The following FAM178B variants were observed in gnomAD, a reference collection of about 807,000 sequenced individuals.
FAM178B encodes the protein family with sequence similarity 178 member B.
Under a neutral mutation model 91.7 loss-of-function variants are expected in FAM178B, and 82 were observed. The ratio of observed to expected loss-of-function variants is 0.89; its 90% CI spans 0.75 to 1.07. FAM178B has a LOEUF of 1.07. Among genes scored for constraint, FAM178B ranks in the 50% least tolerant of loss-of-function variants. The pLI, the probability that FAM178B is intolerant of heterozygous loss-of-function variation, is 0.00. For synonymous variants in FAM178B, 368 were observed against 359.4 expected (o/e 1.02, Z -0.27); for missense variants, 769 against 846.7 (o/e 0.91, Z 1.14).
Position 96,971,963 on chromosome 2 carries a change from C to A in FAM178B, c.502G>T (p.Ala168Ser). Residue 168 changes from alanine (A) to serine (S), a missense_variant, in exon 3 of 17, where the codon GCC becomes TCC. Ala to Ser is a moderately conservative substitution (Grantham distance 99, BLOSUM62 1). Coordinates refer to ENST00000490605, the MANE Select transcript of FAM178B (RefSeq NM_001122646.3). ...HLDLDPKRGLALPEKLFWNTS... is the reference protein window; with the variant it reads ...HLDLDPKRGLSLPEKLFWNTS... ...TTCCAGAACAGCTTCTCTGGCAAGG[C>A]CAGGCCCCTCTTCGGGTCCAAGTCC... is the stretch of plus-strand genomic sequence containing the variant. The A allele has an allele frequency of 6.4e-7, 1 of 1,557,748 alleles. No individual in the cohort carries two copies. The highest frequency in any genetic ancestry group is 8.7e-7 in the Non-Finnish European group (1 of 1,151,104).
chr2:96,892,050 T>C (rs1038292407), intron 14 of FAM178B, among the ~76,000 whole-genome samples: 8 of 152,216 alleles, frequency 5.3e-5, no homozygotes, highest in Admixed American at 5.2e-4. Flanking sequence ...ACAGGGTGGA[T>C]GCCGCCGCTG....
At chr2:96,912,875 A>C (rs746846710) in intron 12 of FAM178B, among the ~76,000 whole-genome samples, 2 of 152,124 alleles carry the variant, frequency 1.3e-5, no homozygotes, top group East Asian at 3.9e-4. Context: ...GCCCACAGTG[A>C]GAGCTCTCTG....
At position 96,972,074 on chromosome 2, in the gene FAM178B, C is replaced by T; in HGVS notation, c.391G>A (p.Ala131Thr). Residue 131 changes from alanine (A) to threonine (T), a missense_variant, in exon 3 of 17, where the codon GCC (alanine) becomes ACC (threonine). Coordinates refer to ENST00000490605, the MANE Select transcript of FAM178B (RefSeq NM_001122646.3). ...CCCACCACACCCACCCACCTCTGGG[C>T]CGGGGCCTCCCGACTGGCCTGCAGC... ...RVLQASREAP[A>T]QRWVGVVGPQ... The T allele has an allele frequency of 1.3e-6, 2 of 1,538,872 alleles. No individual in the cohort carries two copies. Among genetic ancestry groups the T allele is most frequent in the Admixed American group, 2.0e-5 (1 of 49,476 alleles).
intron 8 of FAM178B, among the ~76,000 whole-genome samples, chr2:96,936,222 G>C (rs1051635695): frequency 6.6e-6 from 1 of 151,808 alleles, no homozygotes; most frequent in African/African-American, 2.4e-5. Context: ...TTATTTTTGA[G>C]ACGGAGTCTC....
rs776485226 is a variant in FAM178B at position 96,921,275 on chromosome 2, G to A, written c.1465-13C>T. 9.0e-6 allele frequency: 14 copies of A among 1,550,340 alleles called. No homozygotes were observed. The Admixed American group carries it at 9.8e-5, about 11-fold the overall frequency. Reference sequence around the variant, plus strand: ...ACAGTTCCTGGAGCTGCAGGAGAACGGCACCCCATGGGCTACAGGAGGACA... The same window carrying A: ...ACAGTTCCTGGAGCTGCAGGAGAACAGCACCCCATGGGCTACAGGAGGACA... On this transcript the variant is annotated splice_polypyrimidine_tract_variant and intron_variant, in intron 11 of 16. Coordinates refer to ENST00000490605, the MANE Select transcript of FAM178B (RefSeq NM_001122646.3).
At chr2:96,923,715 T>C in intron 9 of FAM178B, 132 bp from the exon 10 acceptor site, 1 of 676,940 alleles carries the variant, frequency 1.5e-6, no homozygotes, top group East Asian at 2.8e-5. Context: ...TCCACACAGA[T>C]GATCTCATGA....
intron 8 of FAM178B, among the ~76,000 whole-genome samples, chr2:96,933,497 T>C (rs555411677): frequency 6.6e-6 from 1 of 152,294 alleles, no homozygotes; most frequent in Admixed American, 6.5e-5. Context: ...TTACATGGAA[T>C]TGGAAATCCA....
intron 8 of FAM178B, among the ~76,000 whole-genome samples, chr2:96,942,525 TG>T (rs1343034050): frequency 6.6e-6 from 1 of 152,164 alleles, no homozygotes; most frequent in Admixed American, 6.5e-5. Context: ...CCGGAGTAGC[TG>T]GGATTACAGG....
At chr2:96,977,215 AAAGT>A (rs1295207638) in intron 1 of FAM178B, among the ~76,000 whole-genome samples, 4 of 145,720 alleles carry the variant, frequency 2.7e-5, no homozygotes, top group Non-Finnish European at 6.0e-5. Context: ...AAAAAAAAAA[AAAGT>A]AAAGAAAATA....
chr2:96,881,722 T>C (rs2080390241), intron 14 of FAM178B, among the ~76,000 whole-genome samples: 2 of 117,228 alleles, frequency 1.7e-5, no homozygotes, highest in South Asian at 6.2e-4. Context: ...CTAATTCCCA[T>C]AATTGAATCT....
chr2:96,892,748 C>T (rs1240915113), intron 14 of FAM178B, among the ~76,000 whole-genome samples: 6 of 152,308 alleles, frequency 3.9e-5, no homozygotes, highest in Non-Finnish European at 7.3e-5. Flanking sequence ...TCTCACCACT[C>T]GCCTTCTTGT....
intron 5 of FAM178B, 88 bp from the exon 6 acceptor site, chr2:96,960,528 G>C (rs2082065145): frequency 4.3e-6 from 6 of 1,392,398 alleles, no homozygotes; most frequent in Non-Finnish European, 5.8e-6. Flanking sequence ...GGATAGAGGG[G>C]GGCCACGGGC....
At chr2:96,968,705 C>A (rs1238609055) in intron 4 of FAM178B, among the ~76,000 whole-genome samples, 2 of 151,982 alleles carry the variant, frequency 1.3e-5, no homozygotes, top group African/African-American at 4.8e-5. Context: ...CCGTCCCAGG[C>A]CCCCTCAGCC....
intron 1 of FAM178B, chr2:96,977,806 A>T (rs746808966): frequency 2.2e-6 from 1 of 456,570 alleles, no homozygotes. Flanking sequence ...TAAGTTTAGG[A>T]CGCATAATAC....
intron 6 of FAM178B, among the ~76,000 whole-genome samples, chr2:96,957,918 A>G (rs1464542063): frequency 1.3e-5 from 2 of 152,184 alleles, no homozygotes; most frequent in Non-Finnish European, 2.9e-5. Flanking sequence ...TTTATAATAA[A>G]GGAAGGTTGG....
chr2:96,933,478 T>C (rs1559081969), intron 8 of FAM178B, among the ~76,000 whole-genome samples: 1 of 152,204 alleles, frequency 6.6e-6, no homozygotes, highest in Middle Eastern at 3.2e-3. Context: ...ACCGTTCTCC[T>C]GGCACCTCTT....
chr2:96,913,599 C>T (rs1365917808), intron 12 of FAM178B, among the ~76,000 whole-genome samples: 2 of 152,352 alleles, frequency 1.3e-5, no homozygotes, highest in East Asian at 3.9e-4. Context: ...AAGGACCTGA[C>T]GAGCGTGAGG....
chr2:96,930,244 A>AAAAAAAC (rs2081517903), intron 8 of FAM178B, among the ~76,000 whole-genome samples: 1 of 140,216 alleles, frequency 7.1e-6, no homozygotes, highest in African/African-American at 2.6e-5. Flanking sequence ...AAAAAAAAAA[A>AAAAAAAC]TCTGACCACG....
intron 8 of FAM178B, among the ~76,000 whole-genome samples, chr2:96,939,444 C>T (rs564187113): frequency 4.6e-5 from 7 of 152,062 alleles, no homozygotes; most frequent in Non-Finnish European, 1.0e-4. Context: ...TGTAGTGAGC[C>T]GAGATCGCGC....
Sources: gnomAD v4.1 joint callset for allele counts (sites outside exome capture counted in the v4.1 genomes callset) on GRCh38, gnomAD v4.1.1 for gene constraint, MANE v1.5 for transcripts, NCBI Gene and HGNC (gene_info 2026-07-23, HGNC 2026-07-21) for gene names.